DHRS7C: variants seen among roughly 807,000 people sequenced by gnomAD.
DHRS7C encodes the protein dehydrogenase/reductase 7C.
In DHRS7C, 28 loss-of-function variants were observed where a neutral mutation model predicts 29.6. The ratio of observed to expected loss-of-function variants is 0.95; its 90% CI spans 0.70 to 1.30. The LOEUF (loss-of-function observed/expected upper bound fraction) is 1.30, where lower values mean the gene tolerates loss of function less well. Among genes scored for constraint, DHRS7C ranks in the 50% most tolerant of loss-of-function variants. The pLI, the probability that DHRS7C is intolerant of heterozygous loss-of-function variation, is 0.00. For missense variants in DHRS7C, 403 were observed against 393.3 expected, an observed-to-expected ratio of 1.02 and a Z score of -0.21; for synonymous variants, 158 against 160.2, an observed-to-expected ratio of 0.99 and a Z score of 0.10.
intron 1 of DHRS7C, among the ~76,000 whole-genome samples, chr17:9,788,455 C>G (rs2066436826): frequency 6.6e-6 from 1 of 152,158 alleles, no homozygotes; most frequent in Admixed American, 6.5e-5. Context: ...GATCCACCCG[C>G]CTCAGCCTCC....
In DHRS7C at chr17:9,791,210, C is replaced by A; in HGVS notation, c.75G>T (p.Glu25Asp). ...GISGLLFIYQEVSRLWSKSAV... is the reference protein window; with the variant it reads ...GISGLLFIYQDVSRLWSKSAV... The stretch of plus-strand genomic sequence containing the variant: ...CTGACTTTGACCACAGCCTGGACAC[C>A]TCTTGGTAAATGAAGAGGAGGCCGC... The change falls in exon 1 of 6, where the codon GAG becomes GAT. Residue 25 changes from glutamate to aspartate, a missense_variant. Glu to Asp is a conservative substitution (Grantham distance 45). Coordinates refer to ENST00000571134, the MANE Select transcript of DHRS7C (RefSeq NM_001105571.3). The A allele has an allele frequency of 6.2e-7, 1 of 1,613,734 alleles. No homozygotes were observed. Among genetic ancestry groups the A allele is most frequent in the Non-Finnish European group, 8.5e-7 (1 of 1,179,812 alleles).
At chr17:9,772,332 T>C (rs2066334282) in intron 5 of DHRS7C, among the ~76,000 whole-genome samples, 1 of 152,196 alleles carries the variant, frequency 6.6e-6, no homozygotes, top group Admixed American at 6.5e-5. Context: ...GATTAAGGGA[T>C]TTGCTCATAT....
rs919065874 is a variant in DHRS7C, at chr17:9,775,384, G to A, written c.571+1809C>T. On this transcript the variant is annotated intron_variant, in intron 4 of 5. Coordinates refer to ENST00000571134, the MANE Select transcript of DHRS7C (RefSeq NM_001105571.3). The surrounding 1 kb of genome is among the most constrained non-coding windows in gnomAD (Gnocchi z 4.2). ...GCGTCCCTTGCACTTAGGTGCGACT[G>A]AGTTCTCCCAATAGGATGTGAGCAG... 2.0e-5 allele frequency among the ~76,000 whole-genome samples: 3 copies of A among 152,220 alleles called. No individual in the cohort carries two copies. The highest frequency in any genetic ancestry group is 7.2e-5 in the African/African-American group (3 of 41,466).
intron 1 of DHRS7C, among the ~76,000 whole-genome samples, chr17:9,783,420 T>C (rs2066404694): frequency 6.6e-6 from 1 of 152,178 alleles, no homozygotes; most frequent in Non-Finnish European, 1.5e-5. Flanking sequence ...CAACGGGTCT[T>C]GGGAAATGAC....
chr17:9,780,044 C>A lies in DHRS7C; in HGVS notation c.268-9G>T. On this transcript the variant is annotated splice_polypyrimidine_tract_variant and intron_variant, in intron 2 of 5. Coordinates refer to ENST00000571134, the MANE Select transcript of DHRS7C (RefSeq NM_001105571.3). ...AGCTTTGGGGTGAATGTCTGCTGAA[C>A]CAATGAGAGAGTCAGGGTATGTGTG... is the stretch of plus-strand genomic sequence containing the variant. 1 of 1,612,318 alleles carries A rather than the reference C, an allele frequency of 6.2e-7. No homozygotes were observed. Among genetic ancestry groups the A allele is most frequent in the Non-Finnish European group, 8.5e-7 (1 of 1,179,372 alleles).
In DHRS7C at chr17:9,778,769, T is replaced by C. The variant is rs535331974; in HGVS notation, c.478+1056A>G. ...TGTTAGAGGTACCCAGCATGGGAGC[T>C]GGTTGTAGAGAAGGTATTTGCAAGA... On this transcript the variant is annotated intron_variant, in intron 3 of 5. Coordinates refer to ENST00000571134, the MANE Select transcript of DHRS7C (RefSeq NM_001105571.3). Among the ~76,000 whole-genome samples the C allele has an allele frequency of 5.6e-4, 86 of 152,312 alleles. 3 individuals carry two copies. The South Asian group carries it at 0.018, about 32-fold the overall frequency.
Position 9,774,188 on chromosome 17 carries a change from G to C in DHRS7C, c.572-1266C>G, listed in dbSNP as rs976052780. On this transcript the variant is annotated intron_variant, in intron 4 of 5. Transcript: ENST00000571134. The surrounding 1 kb of genome is among the most constrained non-coding windows in gnomAD (Gnocchi z 5.0). ...CCCTGCTCTGGTGGGTGAGAAGCTG[G>C]GGACCCAGAGGTGAATAGAAGTAGC... 7.2e-5 allele frequency among the ~76,000 whole-genome samples: 11 copies of C among 152,278 alleles called. No homozygotes were observed. In the East Asian group the frequency reaches 2.1e-3, roughly 29 times the overall value.
At position 9,778,114 on chromosome 17, in the gene DHRS7C, G is replaced by T. The variant is rs565571969; in HGVS notation, c.479-829C>A. 2.0e-5 allele frequency among the ~76,000 whole-genome samples: 3 copies of T among 152,252 alleles called. No individual in the cohort carries two copies. In the East Asian group the frequency reaches 5.8e-4, roughly 29 times the overall value. On this transcript the variant is annotated intron_variant, in intron 3 of 5. Transcript: ENST00000571134. Reference sequence around the variant, plus strand: ...CATGTTAAAATGGACAAACTGAGCCGGGTGCAGTGGCTCACGCCTGTAATC... The same window carrying T: ...CATGTTAAAATGGACAAACTGAGCCTGGTGCAGTGGCTCACGCCTGTAATC...
rs1468588090 is a variant in DHRS7C, at chr17:9,772,895, C to T, written c.599G>A (p.Gly200Asp). The T allele has an allele frequency of 1.2e-6, 2 of 1,613,852 alleles. No homozygotes were observed. The highest frequency in any genetic ancestry group is 4.5e-5 in the East Asian group (2 of 44,856). The change falls in exon 5 of 6, where the codon GGC becomes GAC. Residue 200 changes from glycine to aspartate, a missense_variant. By Grantham distance (94) the Gly-to-Asp change is moderately conservative. Transcript: ENST00000571134. ...TYAASKHAAL[G>D]FFDCLRAEVE... ...TTCGGCTCGGAGGCAGTCAAAGAAG[C>T]CCAGGGCTGCGTGCTTGGAGGCAGC...
Position 9,771,502 on chromosome 17 carries a change from G to C in DHRS7C, c.922C>G (p.Pro308Ala). The C allele has an allele frequency of 6.5e-7, 1 of 1,538,554 alleles. No individual in the cohort carries two copies. The highest frequency in any genetic ancestry group is 8.8e-7 in the Non-Finnish European group (1 of 1,139,204). ...ACGVKEKLNV[P>A]EEG Reference sequence around the variant, plus strand: ...GCCTCCTGCAGTTACCCCTCCTCCGGGACATTGAGCTTCTCCTTCACCCCA... The same window carrying C: ...GCCTCCTGCAGTTACCCCTCCTCCGCGACATTGAGCTTCTCCTTCACCCCA... The change falls in exon 6 of 6, where the codon CCG becomes GCG. Residue 308 changes from proline (P) to alanine (A), a missense_variant. Coordinates refer to ENST00000571134, the MANE Select transcript of DHRS7C (RefSeq NM_001105571.3).
intron 5 of DHRS7C, 39 bp from the exon 6 acceptor site, chr17:9,771,735 G>T (rs776818672): frequency 2.2e-6 from 3 of 1,382,468 alleles, no homozygotes; most frequent in Non-Finnish European, 9.4e-7. Context: ...TATGACCTCC[G>T]TGGGGACCCG....
At chr17:9,787,801 G>A (rs367997510) in intron 1 of DHRS7C, among the ~76,000 whole-genome samples, 4 of 152,008 alleles carry the variant, frequency 2.6e-5, no homozygotes, top group Non-Finnish European at 4.4e-5. Context: ...TCCGCCTCCC[G>A]GGCTCAAACG....
chr17:9,786,174 A>T (rs2066422165), intron 1 of DHRS7C, among the ~76,000 whole-genome samples: 1 of 151,638 alleles, frequency 6.6e-6, no homozygotes, highest in Non-Finnish European at 1.5e-5. Flanking sequence ...AATACAAAAA[A>T]ATATTAGCCG....
rs1344651531 is a variant in DHRS7C, at chr17:9,774,566, G to A, written c.572-1644C>T. ...TCCAAAGTGCTGGGATTGCAGGTAT[G>A]AGCCACTGTGCCCGGCCCCATGTGG... On this transcript the variant is annotated intron_variant, in intron 4 of 5. Coordinates refer to ENST00000571134, the MANE Select transcript of DHRS7C (RefSeq NM_001105571.3). This position sits in a 1 kb window ranked among gnomAD's most constrained non-coding sequence, Gnocchi z 5.0. 1.3e-5 allele frequency among the ~76,000 whole-genome samples: 2 copies of A among 152,206 alleles called. No homozygotes were observed. The highest frequency in any genetic ancestry group is 2.4e-5 in the African/African-American group (1 of 41,452).
intron 4 of DHRS7C, among the ~76,000 whole-genome samples, chr17:9,773,459 T>C (rs1020152422): frequency 2.0e-5 from 3 of 151,854 alleles, no homozygotes; most frequent in African/African-American, 7.3e-5. Context: ...GTAGAAGCCA[T>C]GGGTTGGGGA....
chr17:9,771,581 G>A lies in DHRS7C; in HGVS notation c.843C>T (p.Ala281=), dbSNP rs368907237. ...GGAAGAAGGTGCGGACGTACACGGCGGCCTTGGGGATGGGGTTGGCCATAA... is the reference window on the plus strand; with the variant it reads ...GGAAGAAGGTGCGGACGTACACGGCAGCCTTGGGGATGGGGTTGGCCATAA... ...EVFMANPIPK[A]AVYVRTFFPE... Residue 281 remains alanine (A), a synonymous_variant, in exon 6 of 6, where the codon GCC becomes GCT. Coordinates refer to ENST00000571134, the MANE Select transcript of DHRS7C (RefSeq NM_001105571.3). 110 of 1,595,530 alleles carry A rather than the reference G, an allele frequency of 6.9e-5. 1 individual carries two copies. The highest frequency in any genetic ancestry group is 1.7e-4 in the Middle Eastern group (1 of 6,014).
At position 9,781,424 on chromosome 17, in the gene DHRS7C, A is replaced by G. The variant is rs2066392050; in HGVS notation, c.267+58T>C. On this transcript the variant is annotated intron_variant, in intron 2 of 5. Transcript: ENST00000571134. ...TTGGTCCAAGAGCTGGTCCTGAACA[A>G]TCAATGGAGGCTGGGAGTTCCCAGG... The G allele has an allele frequency of 3.3e-6, 5 of 1,534,190 alleles. No individual in the cohort carries two copies. The Admixed American group carries it at 8.5e-5, about 26-fold the overall frequency.
At chr17:9,783,666 T>G (rs1041083698) in intron 1 of DHRS7C, among the ~76,000 whole-genome samples, 12 of 152,182 alleles carry the variant, frequency 7.9e-5, no homozygotes, top group Admixed American at 7.2e-4. Flanking sequence ...GAAAAGAATG[T>G]ATTACGTAAA....
intron 1 of DHRS7C, among the ~76,000 whole-genome samples, chr17:9,784,060 A>G (rs1462160342): frequency 6.6e-6 from 1 of 152,010 alleles, no homozygotes; most frequent in Non-Finnish European, 1.5e-5. Flanking sequence ...ACATAACCAA[A>G]ACAGAAATAG....
Sources: allele counts gnomAD v4.1 joint callset (sites outside exome capture counted in the v4.1 genomes callset), GRCh38; gene constraint gnomAD v4.1.1; non-coding constraint Gnocchi (gnomAD v3.1); transcripts MANE v1.5; gene names NCBI Gene and HGNC (gene_info 2026-07-23, HGNC 2026-07-21).